The following MYBBP1A variants were observed in gnomAD, a reference collection of about 807,000 sequenced individuals.
MYBBP1A encodes the protein MYB binding protein 1a.
A neutral mutation model predicts 136.3 loss-of-function variants in MYBBP1A; 147 were observed. The observed-to-expected ratio is 1.08, with a 90% CI of 0.94 to 1.24. The LOEUF (loss-of-function observed/expected upper bound fraction) is 1.24, where lower values mean the gene tolerates loss of function less well. MYBBP1A is among the 50% of genes most tolerant of loss of function. The pLI is 0.00. For missense variants in MYBBP1A, 2,060 were observed against 1,727.4 expected (o/e 1.19, Z -3.41); for synonymous variants, 947 against 735.8 (o/e 1.29, Z -4.65).
chr17:4,541,233 C>T (rs535219119), intron 24 of MYBBP1A, among the ~76,000 whole-genome samples: 19 of 152,276 alleles, frequency 1.2e-4, no homozygotes, highest in African/African-American at 3.9e-4. Flanking sequence ...CCTCTCACCC[C>T]GCCCTGCAGG....
intron 19 of MYBBP1A, among the ~76,000 whole-genome samples, chr17:4,543,553 A>G (rs1485712620): frequency 2.0e-5 from 3 of 151,870 alleles, no homozygotes; most frequent in African/African-American, 7.3e-5. Context: ...CGGGGATATA[A>G]TGGGGGCAAG....
Position 4,539,352 on chromosome 17 carries a change from A to AC in MYBBP1A, c.*62_*63insG, listed in dbSNP as rs1906119283. The AC allele has an allele frequency of 1.3e-5, 20 of 1,501,674 alleles. No homozygotes were observed. Among genetic ancestry groups the AC allele is most frequent in the Non-Finnish European group, 1.7e-5 (19 of 1,132,534 alleles). 93.0% of individuals were successfully genotyped at this position (1,501,674 alleles called of 1,614,324 possible). A position where few individuals can be genotyped will look rare whatever the true frequency, so the allele number is the denominator to read the frequency against. ...GTATTAAAATCATGGTTTAAAAAAA[A>AC]AAAAAAAAAATAGGCGTCTCAGGCA... On this transcript the variant is annotated 3_prime_UTR_variant, in exon 26 of 26. Transcript: ENST00000254718.
chr17:4,544,015 G>C (rs1464881962), intron 19 of MYBBP1A, among the ~76,000 whole-genome samples: 1 of 152,206 alleles, frequency 6.6e-6, no homozygotes, highest in Non-Finnish European at 1.5e-5. Flanking sequence ...TGTCTGACCA[G>C]CTCCCGTCAG....
rs149858720 is a variant in MYBBP1A at position 4,548,862 on chromosome 17, A to G, written c.1431-213T>C. 7.4e-3 allele frequency among the ~76,000 whole-genome samples: 1,127 copies of G among 152,326 alleles called. 15 individuals are homozygous for G. The highest frequency in any genetic ancestry group is 0.026 in the African/African-American group (1,070 of 41,580). ...GGCCGTTTCTCTGCTCTGGATCCCC[A>G]GCTGAACGCGGGTTAACCCGAGCTA... On this transcript the variant is annotated intron_variant, in intron 10 of 25. Transcript: ENST00000254718. The surrounding 1 kb of genome is among the most constrained non-coding windows in gnomAD (Gnocchi z 4.2).
chr17:4,543,001 T>G lies in MYBBP1A; in HGVS notation c.2804A>C (p.Lys935Thr). 1 of 1,614,016 alleles carries G rather than the reference T, an allele frequency of 6.2e-7. No individual in the cohort carries two copies. The highest frequency in any genetic ancestry group is 8.5e-7 in the Non-Finnish European group (1 of 1,179,982). The change falls in exon 20 of 26, where the codon AAG becomes ACG. Residue 935 changes from lysine to threonine, a missense_variant. Lys to Thr is a moderately conservative substitution (Grantham distance 78, BLOSUM62 -1). Transcript: ENST00000254718. ...NASLYLLRVL[K>T]GNTAEGCVHE... ...CACGCAGCCCTCAGCAGTGTTGCCC[T>G]TCAAGACCCGGAGCAGGTAGAGAGA...
intron 5 of MYBBP1A, among the ~76,000 whole-genome samples, chr17:4,553,469 C>T (rs541473090): frequency 2.0e-5 from 3 of 152,328 alleles, no homozygotes; most frequent in East Asian, 3.9e-4. Flanking sequence ...GGCTGCTGAG[C>T]GCCTGAAAGG....
rs1238374195 is a variant in MYBBP1A, at chr17:4,552,681, A to G, written c.562-55T>C. On this transcript the variant is annotated intron_variant, in intron 5 of 25. Coordinates refer to ENST00000254718, the MANE Select transcript of MYBBP1A (RefSeq NM_014520.4). The surrounding 1 kb of genome is among the most constrained non-coding windows in gnomAD (Gnocchi z 4.7). ...TTCCTCTGCGGGGTGAGCCTGGTGGATCCTGTTCTACCTGCTCCTGACACG... is the reference window on the plus strand; with the variant it reads ...TTCCTCTGCGGGGTGAGCCTGGTGGGTCCTGTTCTACCTGCTCCTGACACG... 2 of 1,552,946 alleles carry G rather than the reference A, an allele frequency of 1.3e-6. No homozygotes were observed. The highest frequency in any genetic ancestry group is 1.8e-6 in the Non-Finnish European group (2 of 1,138,756).
At chr17:4,540,729 C>T (rs1191481025) in intron 24 of MYBBP1A, among the ~76,000 whole-genome samples, 4 of 152,172 alleles carry the variant, frequency 2.6e-5, no homozygotes, top group Admixed American at 2.6e-4. Context: ...TCGGTGTCCT[C>T]CCCTCCAGCA....
chr17:4,543,306 G>A (rs1394274724), intron 19 of MYBBP1A, 141 bp from the exon 20 acceptor site: 3 of 1,149,590 alleles, frequency 2.6e-6, no homozygotes, highest in African/African-American at 1.6e-5. Context: ...ACAGAGGAGG[G>A]CCCAGGGCCG....
Position 4,547,997 on chromosome 17 carries a change from G to T in MYBBP1A, c.1785C>A (p.Phe595Leu). Residue 595 changes from phenylalanine (F) to leucine (L), a missense_variant, in exon 13 of 26, where the codon TTC (phenylalanine) becomes TTA (leucine). By Grantham distance (22) the Phe-to-Leu change is conservative. Coordinates refer to ENST00000254718, the MANE Select transcript of MYBBP1A (RefSeq NM_014520.4). ...AHSAEARAAA[F>L]QHLLLLVGIH... is the part of the protein sequence containing the mutation. ...TGCCCACGAGGAGCAGAAGGTGCTG[G>T]AAGGCAGCAGCCCTGGCCTCTGCGG... The T allele has an allele frequency of 2.0e-6, 3 of 1,535,250 alleles. No homozygotes were observed. Among genetic ancestry groups the T allele is most frequent in the African/African-American group, 1.4e-5 (1 of 72,956 alleles).
intron 25 of MYBBP1A, among the ~76,000 whole-genome samples, 153 bp from the exon 26 acceptor site, chr17:4,540,120 C>T (rs1055516938): frequency 4.0e-5 from 6 of 149,538 alleles, no homozygotes; most frequent in Non-Finnish European, 7.4e-5. Flanking sequence ...CTATGAGGGT[C>T]CTGCGAGGCC....
At chr17:4,542,571 G>A (rs1051369161) in intron 21 of MYBBP1A, 39 bp from the exon 22 acceptor site, 3 of 1,612,830 alleles carry the variant, frequency 1.9e-6, no homozygotes, top group Non-Finnish European at 2.5e-6. Flanking sequence ...TGCAGGCTGG[G>A]CTGAGCAGGG....
In MYBBP1A at chr17:4,550,231, G is replaced by C; in HGVS notation, c.1146C>G (p.Asn382Lys). The C allele has an allele frequency of 2.5e-6, 4 of 1,613,764 alleles. No individual in the cohort carries two copies. Among genetic ancestry groups the C allele is most frequent in the Non-Finnish European group, 3.4e-6 (4 of 1,180,038 alleles). ...AAGTAGGCGTGACAGGGAGGCCTTGGTTGGTGACAGATGAGAAGGCCACTA... is the reference window on the plus strand; with the variant it reads ...AAGTAGGCGTGACAGGGAGGCCTTGCTTGGTGACAGATGAGAAGGCCACTA... ...AVLVAFSSVT[N>K]QGLPVTPTFW... is the part of the protein sequence containing the mutation. The change falls in exon 9 of 26, where the codon AAC (asparagine) becomes AAG (lysine). Residue 382 changes from asparagine (N) to lysine (K), a missense_variant. By Grantham distance (94) the Asn-to-Lys change is moderately conservative (BLOSUM62 0). Coordinates refer to ENST00000254718, the MANE Select transcript of MYBBP1A (RefSeq NM_014520.4).
chr17:4,545,721 G>C lies in MYBBP1A; in HGVS notation c.1962C>G (p.Ile654Met). Residue 654 changes from isoleucine (I) to methionine (M), a missense_variant, in exon 15 of 26, where the codon ATC becomes ATG. Transcript: ENST00000254718. Reference protein sequence around the residue: ...EPPWVEVLVEILLALLAQPSH... With the variant: ...EPPWVEVLVEMLLALLAQPSH... ...TGGGCTGGGCCAACAGGGCCAGCAA[G>C]ATCTCCACCAGCACCTCTACCCACG... 1 of 1,609,702 alleles carries C rather than the reference G, an allele frequency of 6.2e-7. No individual in the cohort carries two copies. Among genetic ancestry groups the C allele is most frequent in the East Asian group, 2.2e-5 (1 of 44,726 alleles).
Position 4,539,453 on chromosome 17 carries a change from T to C in MYBBP1A, c.3949A>G (p.Lys1317Glu), listed in dbSNP as rs761101989. The C allele has an allele frequency of 6.8e-6, 11 of 1,613,864 alleles. No homozygotes were observed. The highest frequency in any genetic ancestry group is 9.3e-6 in the Non-Finnish European group (11 of 1,179,962). Residue 1317 changes from lysine to glutamate, a missense_variant, in exon 26 of 26, where the codon AAG becomes GAG. Lys to Glu is a moderately conservative substitution (Grantham distance 56, BLOSUM62 1). Coordinates refer to ENST00000254718, the MANE Select transcript of MYBBP1A (RefSeq NM_014520.4). ...GCCTTCCTCACCTGTGCTTTCTTCTTGGCCCCACTCTGAAGCAGGCTGGGA... is the reference window on the plus strand; with the variant it reads ...GCCTTCCTCACCTGTGCTTTCTTCTCGGCCCCACTCTGAAGCAGGCTGGGA... ...RSPSLLQSGA[K>E]KKAQVRKAGK... is the part of the protein sequence containing the mutation.
Position 4,548,172 on chromosome 17 carries a change from G to C in MYBBP1A, c.1695C>G (p.Phe565Leu), listed in dbSNP as rs752366577. The change falls in exon 12 of 26, where the codon TTC becomes TTG. Residue 565 changes from phenylalanine (F) to leucine (L), a missense_variant. Coordinates refer to ENST00000254718, the MANE Select transcript of MYBBP1A (RefSeq NM_014520.4). This position sits in a 1 kb window ranked among gnomAD's most constrained non-coding sequence, Gnocchi z 4.2. ...HSHNVTTVTPFTAQQRQAWDR... is the reference protein window; with the variant it reads ...HSHNVTTVTPLTAQQRQAWDR... ...CCCAGGCCTGGCGCTGCTGCGCAGT[G>C]AAGGGTGTCACGGTGGTCACGTTGT... is the stretch of plus-strand genomic sequence containing the variant. The C allele has an allele frequency of 1.2e-6, 2 of 1,605,576 alleles. No individual in the cohort carries two copies. The highest frequency in any genetic ancestry group is 1.7e-6 in the Non-Finnish European group (2 of 1,179,990).
chr17:4,545,076 G>A lies in MYBBP1A; in HGVS notation c.2260C>T (p.Gln754Ter). The change falls in exon 17 of 26, where the codon CAG becomes TAG. Residue 754 changes from glutamine to a stop codon, truncating the protein, a stop_gained. Coordinates refer to ENST00000254718, the MANE Select transcript of MYBBP1A (RefSeq NM_014520.4). LOFTEE classifies it high-confidence loss of function. ...GTCATCAGCTGTTCCCGGAAGCCCT[G>A]ATCCACGTCCCCGTCGCGCTCCTCC... ...EEEERDGDVD[Q>*]GFREQLMTVL... 1.3e-6 allele frequency: 2 copies of A among 1,565,618 alleles called. No individual in the cohort carries two copies. Among genetic ancestry groups the A allele is most frequent in the Non-Finnish European group, 1.7e-6 (2 of 1,158,692 alleles).
chr17:4,544,771 G>T lies in MYBBP1A; in HGVS notation c.2461C>A (p.Arg821=). ...CTCACCCGGATCTGGAAGTCGCGCC[G>T]CAGAGCCTTCTCCTTCTGCAGCTTG... The part of the protein sequence containing the change: ...KNKLQKEKAL[R]RDFQIRVLDL... The change falls in exon 18 of 26, where the codon CGG becomes AGG. Residue 821 remains arginine, a synonymous_variant. Transcript: ENST00000254718. 6.3e-7 allele frequency: 1 copy of T among 1,582,972 alleles called. No individual in the cohort carries two copies. The highest frequency in any genetic ancestry group is 8.6e-7 in the Non-Finnish European group (1 of 1,164,440).
rs372651540 is a variant in MYBBP1A at position 4,544,767 on chromosome 17, C to T, written c.2465G>A (p.Arg822His). 2.0e-5 allele frequency: 32 copies of T among 1,571,008 alleles called. No individual in the cohort carries two copies. Among genetic ancestry groups the T allele is most frequent in the African/African-American group, 1.1e-4 (8 of 72,800 alleles). The change falls in exon 18 of 26, where the codon CGC becomes CAC. Residue 822 changes from arginine (R) to histidine (H), a missense_variant. Coordinates refer to ENST00000254718, the MANE Select transcript of MYBBP1A (RefSeq NM_014520.4). Reference sequence around the variant, plus strand: ...CAGGCTCACCCGGATCTGGAAGTCGCGCCGCAGAGCCTTCTCCTTCTGCAG... The same window carrying T: ...CAGGCTCACCCGGATCTGGAAGTCGTGCCGCAGAGCCTTCTCCTTCTGCAG... ...NKLQKEKALRRDFQIRVLDLV... is the reference protein window; with the variant it reads ...NKLQKEKALRHDFQIRVLDLV...
Sources: allele counts gnomAD v4.1 joint callset (sites outside exome capture counted in the v4.1 genomes callset), GRCh38; gene constraint gnomAD v4.1.1; non-coding constraint Gnocchi (gnomAD v3.1); transcripts MANE v1.5; gene names NCBI Gene and HGNC (gene_info 2026-07-23, HGNC 2026-07-21).